The following CEP128 variants were observed in gnomAD, a reference collection of about 807,000 sequenced individuals.
The protein encoded by CEP128 is centrosomal protein 128, also known as centrosomal protein 128kDa.
CEP128 carries 132 observed loss-of-function variants against 156.7 expected under a neutral mutation model. That is an observed-to-expected ratio of 0.84 (90% CI 0.73 to 0.97). The LOEUF is 0.97. CEP128 is among the 50% of genes least tolerant of loss of function. CEP128 has a pLI of 0.00. For missense variants in CEP128, 1,252 were observed against 1,281.9 expected (o/e 0.98, Z 0.36); for synonymous variants, 469 against 448.9 (o/e 1.04, Z -0.57).
intron 19 of CEP128, among the ~76,000 whole-genome samples, chr14:80,709,653 T>G (rs905320333): frequency 2.6e-4 from 40 of 152,314 alleles, no homozygotes; most frequent in Middle Eastern, 6.8e-3. Context: ...TTTTATGATG[T>G]TTGAGTCTTC....
At chr14:80,811,339 C>T (rs1485450105) in intron 13 of CEP128, among the ~76,000 whole-genome samples, 1 of 152,122 alleles carries the variant, frequency 6.6e-6, no homozygotes, top group African/African-American at 2.4e-5. Flanking sequence ...GGTTCTAGGT[C>T]TTTGAGGAAT....
intron 17 of CEP128, among the ~76,000 whole-genome samples, chr14:80,760,851 A>T (rs1254079367): frequency 6.6e-6 from 1 of 152,124 alleles, no homozygotes; most frequent in African/African-American, 2.4e-5. Flanking sequence ...GCTGGTTTAA[A>T]CAGGGAAGGC....
intron 11 of CEP128, among the ~76,000 whole-genome samples, chr14:80,836,635 T>C (rs1043940892): frequency 2.6e-5 from 4 of 152,200 alleles, no homozygotes; most frequent in Admixed American, 6.5e-5. Context: ...CAATTAAGTA[T>C]TATACTTCTT....
intron 18 of CEP128, among the ~76,000 whole-genome samples, chr14:80,744,940 C>T (rs1205881700): frequency 6.6e-6 from 1 of 152,150 alleles, no homozygotes; most frequent in Non-Finnish European, 1.5e-5. Flanking sequence ...TATGAATATG[C>T]CTGATGAATA....
At chr14:80,656,017 A>G (rs935543546) in intron 19 of CEP128, among the ~76,000 whole-genome samples, 1 of 151,804 alleles carries the variant, frequency 6.6e-6, no homozygotes, top group Admixed American at 6.6e-5. Context: ...CCTTCTAGTC[A>G]GCTTTACTAA....
chr14:80,936,048 G>A (rs2139609466), intron 2 of CEP128, among the ~76,000 whole-genome samples: 1 of 152,234 alleles, frequency 6.6e-6, no homozygotes, highest in East Asian at 1.9e-4. Flanking sequence ...ATTTCATCAG[G>A]AGTCCACCCT....
At chr14:80,852,358 GA>G (rs920879903) in intron 9 of CEP128, among the ~76,000 whole-genome samples, 1 of 151,162 alleles carries the variant, frequency 6.6e-6, no homozygotes, top group Non-Finnish European at 1.5e-5. Context: ...AAAAGATTTT[GA>G]AAAAAAATTA....
chr14:80,516,798 C>T (rs890622072), intron 23 of CEP128, among the ~76,000 whole-genome samples: 1 of 152,190 alleles, frequency 6.6e-6, no homozygotes, highest in Non-Finnish European at 1.5e-5. Flanking sequence ...TCTCCCACCA[C>T]GTGGCTGCTG....
At chr14:80,647,832 G>A (rs548340127) in intron 19 of CEP128, among the ~76,000 whole-genome samples, 1 of 152,176 alleles carries the variant, frequency 6.6e-6, no homozygotes, top group African/African-American at 2.4e-5. Flanking sequence ...GCTTCACAGC[G>A]AATTCACAAC....
chr14:80,780,859 C>A (rs1901071027), intron 15 of CEP128, among the ~76,000 whole-genome samples: 1 of 152,170 alleles, frequency 6.6e-6, no homozygotes, highest in Admixed American at 6.5e-5. Flanking sequence ...TAGCTTAGAT[C>A]TAATGCCTGT....
intron 2 of CEP128, among the ~76,000 whole-genome samples, chr14:80,926,114 G>A (rs563092494): frequency 6.6e-6 from 1 of 152,174 alleles, no homozygotes; most frequent in Non-Finnish European, 1.5e-5. Flanking sequence ...AATCTTTAGT[G>A]GGGACAAATG....
At chr14:80,626,751 G>A (rs77322328) in intron 19 of CEP128, among the ~76,000 whole-genome samples, 11,793 of 152,170 alleles carry the variant, frequency 0.077, 544 homozygotes, top group African/African-American at 0.12. Context: ...CCAAGATGGT[G>A]AAACTCCGTC....
chr14:80,517,084 T>C (rs920595614), intron 23 of CEP128, among the ~76,000 whole-genome samples: 9 of 152,204 alleles, frequency 5.9e-5, no homozygotes, highest in Non-Finnish European at 8.8e-5. Flanking sequence ...GGAGCTGTAG[T>C]AATGTTCTTC....
intron 4 of CEP128, among the ~76,000 whole-genome samples, chr14:80,911,935 C>T (rs939307886): frequency 5.3e-5 from 8 of 152,126 alleles, no homozygotes; most frequent in Non-Finnish European, 8.8e-5. Context: ...AAACCACTCC[C>T]GGGCAGGGCA....
At chr14:80,633,349 T>C (rs933222926) in intron 19 of CEP128, among the ~76,000 whole-genome samples, 1 of 152,202 alleles carries the variant, frequency 6.6e-6, no homozygotes, top group African/African-American at 2.4e-5. Context: ...ATACTTTCCG[T>C]TGTAAATATT....
chr14:80,682,889 G>C (rs555900112), intron 19 of CEP128, among the ~76,000 whole-genome samples: 117 of 152,210 alleles, frequency 7.7e-4, no homozygotes, highest in Admixed American at 3.8e-3. Flanking sequence ...AGACAATCAA[G>C]TGCTAAGGGA....
intron 8 of CEP128, among the ~76,000 whole-genome samples, chr14:80,864,728 TG>T (rs1436526596): frequency 2.6e-5 from 4 of 152,094 alleles, no homozygotes; most frequent in Non-Finnish European, 5.9e-5. Context: ...GGCTAATTTT[TG>T]TATTTTTAGG....
intron 19 of CEP128, among the ~76,000 whole-genome samples, chr14:80,704,811 C>T (rs1284492534): frequency 6.6e-6 from 1 of 151,912 alleles, no homozygotes; most frequent in Admixed American, 6.6e-5. Context: ...ACCTTTCTCC[C>T]TCTTGCCTCG....
chr14:80,780,507 C>T (rs1373900034), intron 15 of CEP128, among the ~76,000 whole-genome samples: 2 of 151,986 alleles, frequency 1.3e-5, no homozygotes, highest in South Asian at 2.1e-4. Flanking sequence ...ATAGCTTTAA[C>T]ACCCCTCCCA....
Sources: allele counts gnomAD v4.1 joint callset (sites outside exome capture counted in the v4.1 genomes callset), GRCh38; gene constraint gnomAD v4.1.1; transcripts MANE v1.5; gene names NCBI Gene and HGNC (gene_info 2026-07-23, HGNC 2026-07-21).